Variants in NOS1AP observed in about 807,000 individuals in gnomAD.
NOS1AP encodes carboxyl-terminal PDZ ligand of neuronal nitric oxide synthase protein.
NOS1AP carries 21 observed loss-of-function variants against 56.2 expected under a neutral mutation model. The ratio of observed to expected loss-of-function variants is 0.37; its 90% CI spans 0.26 to 0.54. The LOEUF is 0.54. Ranked by LOEUF, NOS1AP falls within the 20% of genes least tolerant of loss-of-function variation. The pLI is 0.84. For missense variants in NOS1AP, 522 were observed against 657.8 expected, an observed-to-expected ratio of 0.79 and a Z score of 2.26; for synonymous variants, 270 against 274.6, an observed-to-expected ratio of 0.98 and a Z score of 0.17.
At chr1:162,253,019 TC>T (rs1557850142) in intron 2 of NOS1AP, among the ~76,000 whole-genome samples, 1 of 152,162 alleles carries the variant, frequency 6.6e-6, no homozygotes, top group East Asian at 1.9e-4. Context: ...TGAATGTTTG[TC>T]CCTAACAAAA....
intron 1 of NOS1AP, among the ~76,000 whole-genome samples, chr1:162,150,203 T>C (rs1294573961): frequency 6.6e-6 from 1 of 152,244 alleles, no homozygotes; most frequent in Non-Finnish European, 1.5e-5. Context: ...TTTTAACTTT[T>C]AGCTCCCACA....
At chr1:162,123,075 T>C (rs1648309782) in intron 1 of NOS1AP, among the ~76,000 whole-genome samples, 1 of 152,230 alleles carries the variant, frequency 6.6e-6, no homozygotes, top group Middle Eastern at 3.2e-3. Context: ...ATATTGACTT[T>C]CTCCAGTGCT....
At chr1:162,241,708 C>T (rs945105516) in intron 2 of NOS1AP, among the ~76,000 whole-genome samples, 3 of 151,998 alleles carry the variant, frequency 2.0e-5, no homozygotes, top group African/African-American at 4.8e-5. Context: ...ACTGCCTCTA[C>T]GGGAAGAACT....
chr1:162,278,481 TG>T (rs1421247766), intron 2 of NOS1AP, among the ~76,000 whole-genome samples: 3 of 152,144 alleles, frequency 2.0e-5, no homozygotes, highest in Admixed American at 6.5e-5. Flanking sequence ...TGGCAGATAG[TG>T]AGAGGTGCTG....
chr1:162,166,373 G>A (rs1366109732), intron 2 of NOS1AP, among the ~76,000 whole-genome samples: 2 of 152,232 alleles, frequency 1.3e-5, no homozygotes, highest in African/African-American at 2.4e-5. Context: ...GCATATTATA[G>A]GTCCGCTGTG....
chr1:162,079,258 T>A (rs575531365), intron 1 of NOS1AP, among the ~76,000 whole-genome samples: 1 of 152,312 alleles, frequency 6.6e-6, no homozygotes, highest in South Asian at 2.1e-4. Flanking sequence ...AAAATTCCAC[T>A]GATGGATGTC....
chr1:162,133,145 G>T (rs533469601), intron 1 of NOS1AP, among the ~76,000 whole-genome samples: 2 of 152,214 alleles, frequency 1.3e-5, no homozygotes, highest in African/African-American at 2.4e-5. Flanking sequence ...TTTTCCAGGT[G>T]TGTGCTTATT....
intron 1 of NOS1AP, among the ~76,000 whole-genome samples, chr1:162,112,600 C>T (rs1324212252): frequency 6.6e-6 from 1 of 152,246 alleles, no homozygotes; most frequent in Non-Finnish European, 1.5e-5. Flanking sequence ...GACTTTTAGA[C>T]AGGCTCTGAC....
chr1:162,092,291 A>G (rs1379745620), intron 1 of NOS1AP, among the ~76,000 whole-genome samples: 2 of 152,210 alleles, frequency 1.3e-5, no homozygotes, highest in African/African-American at 2.4e-5. Flanking sequence ...AGATACAGGC[A>G]TGCAGAATTT....
chr1:162,133,346 A>G (rs570686374), intron 1 of NOS1AP, among the ~76,000 whole-genome samples: 2 of 152,334 alleles, frequency 1.3e-5, no homozygotes, highest in East Asian at 3.9e-4. Flanking sequence ...TGTCTTATCT[A>G]TTGATTCTTG....
At chr1:162,224,089 TA>T (rs1652869410) in intron 2 of NOS1AP, among the ~76,000 whole-genome samples, 6 of 152,052 alleles carry the variant, frequency 3.9e-5, no homozygotes, top group African/African-American at 1.2e-4. Flanking sequence ...TTAAAGGCTG[TA>T]GAGTCATTAA....
chr1:162,177,920 GT>G (rs1651119667), intron 2 of NOS1AP, among the ~76,000 whole-genome samples: 1 of 152,138 alleles, frequency 6.6e-6, no homozygotes, highest in Non-Finnish European at 1.5e-5. Context: ...TTGGACGAGT[GT>G]TTAATGACAT....
chr1:162,084,944 G>A (rs970491195), intron 1 of NOS1AP, among the ~76,000 whole-genome samples: 2 of 152,146 alleles, frequency 1.3e-5, no homozygotes, highest in Non-Finnish European at 2.9e-5. Context: ...GATTACAGAT[G>A]TGAGCCTCTG....
At chr1:162,195,602 T>G (rs1219654482) in intron 2 of NOS1AP, among the ~76,000 whole-genome samples, 3 of 152,238 alleles carry the variant, frequency 2.0e-5, no homozygotes, top group Non-Finnish European at 2.9e-5. Context: ...GGTACCCCTT[T>G]GTACACTCTT....
chr1:162,081,774 A>ATATTTTTTTTTTTTTTTT, intron 1 of NOS1AP, among the ~76,000 whole-genome samples: 1 of 44,056 alleles, frequency 2.3e-5, no homozygotes, highest in South Asian at 7.5e-4. Context: ...ATATATATAT[A>ATATTTTTTTTTTTTTTTT]TTTTTTTTTT....
chr1:162,363,817 A>T (rs766204518), intron 8 of NOS1AP: 1 of 985,362 alleles, frequency 1.0e-6, no homozygotes, highest in Non-Finnish European at 1.2e-6. Context: ...AATATGAGAC[A>T]AAAAAATGAG....
intron 2 of NOS1AP, among the ~76,000 whole-genome samples, chr1:162,166,478 TC>T (rs2102120555): frequency 6.6e-6 from 1 of 152,314 alleles, no homozygotes; most frequent in East Asian, 1.9e-4. Context: ...CTGAAGCCTG[TC>T]TCTTCAAACC....
chr1:162,232,059 C>G (rs574874437), intron 2 of NOS1AP, among the ~76,000 whole-genome samples: 18 of 152,280 alleles, frequency 1.2e-4, no homozygotes, highest in African/African-American at 4.1e-4. Context: ...ACAGAGGTAT[C>G]CTTTGTAACT....
At chr1:162,284,477 A>G (rs890819010) in intron 2 of NOS1AP, among the ~76,000 whole-genome samples, 2 of 152,146 alleles carry the variant, frequency 1.3e-5, no homozygotes. Flanking sequence ...TCTCTTGTCC[A>G]TCTTCATTTT....
Sources: allele counts gnomAD v4.1 joint callset (sites outside exome capture counted in the v4.1 genomes callset), GRCh38; gene constraint gnomAD v4.1.1; transcripts MANE v1.5; gene names NCBI Gene and HGNC (gene_info 2026-07-23, HGNC 2026-07-21).